Variants in PMFBP1 observed in about 807,000 individuals in gnomAD.
PMFBP1 encodes the protein polyamine modulated factor 1 binding protein 1.
Under a neutral mutation model 137.8 loss-of-function variants are expected in PMFBP1, and 131 were observed. The observed-to-expected ratio is 0.95, with a 90% confidence interval of 0.82 to 1.10. PMFBP1 has a LOEUF of 1.10. PMFBP1 is among the 50% of genes least tolerant of loss of function. PMFBP1 has a pLI of 0.00. For synonymous variants in PMFBP1, 490 were observed against 450.4 expected, an observed-to-expected ratio of 1.09 and a Z score of -1.11; for missense variants, 1,199 against 1,175.4, an observed-to-expected ratio of 1.02 and a Z score of -0.29.
rs1325980864 is a variant in PMFBP1 at position 72,146,739 on chromosome 16, CAGAG to C, written c.636+3865_636+3868del. Among the ~76,000 whole-genome samples, 27 of 152,252 alleles carry C rather than the reference CAGAG, an allele frequency of 1.8e-4. No individual in the cohort carries two copies. The East Asian group carries it at 4.8e-3, about 27-fold the overall frequency. ...TTCCTATACATCATTAACAGACAAACAGAGAGCCAAATCATGAGTGAACTCCCAT... is the reference window on the plus strand; with the variant it reads ...TTCCTATACATCATTAACAGACAAACAGCCAAATCATGAGTGAACTCCCAT... On this transcript the variant is annotated intron_variant, in intron 5 of 20. Coordinates refer to ENST00000237353, the MANE Select transcript of PMFBP1 (RefSeq NM_031293.3).
At chr16:72,177,684 T>C (rs2043263466), upstream of PMFBP1, among the ~76,000 whole-genome samples, 1 of 152,222 alleles carries the variant, frequency 6.6e-6, no homozygotes, top group South Asian at 2.1e-4. Context: ...CTGCATACTT[T>C]GTTAGGATGT....
At chr16:72,206,140 G>A in the PMFBP1 span, among the ~76,000 whole-genome samples, 1 of 152,184 alleles carries the variant, frequency 6.6e-6, no homozygotes, top group African/African-American at 2.4e-5. Flanking sequence ...AGAAGCAGAG[G>A]CATGAGTTAA....
At chr16:72,208,097 A>G in the PMFBP1 span, among the ~76,000 whole-genome samples, 1 of 152,198 alleles carries the variant, frequency 6.6e-6, no homozygotes, top group Admixed American at 6.5e-5. Context: ...AGGGAGGACA[A>G]TCTGCTTTAC....
rs1418354940 is a variant in PMFBP1 at position 72,126,067 on chromosome 16, C to T, written c.2154G>A (p.Glu718=). 5.0e-6 allele frequency: 8 copies of T among 1,614,104 alleles called. No individual in the cohort carries two copies. In the East Asian group the frequency reaches 1.3e-4, roughly 27 times the overall value. ...QAQLDKALQK[E]KHYLQTTITK... is the part of the protein sequence containing the mutation. ...TGATGGTAGTCTGGAGATAGTGCTT[C>T]TCCTTCTGCAGAGCTTTGTCCAGCT... Residue 718 remains glutamate (E), a synonymous_variant, in exon 15 of 21, where the codon GAG becomes GAA. Transcript: ENST00000237353.
chr16:72,136,773 A>T lies in PMFBP1; in HGVS notation c.965T>A (p.Val322Glu). ...QEQKDSQCLH[V>E]EEYQNLVKDL... Reference sequence around the variant, plus strand: ...CTTCACCAGGTTCTGGTACTCCTCCACATGCAGGCACTGGCTGTCTTTCTG... The same window carrying T: ...CTTCACCAGGTTCTGGTACTCCTCCTCATGCAGGCACTGGCTGTCTTTCTG... The change falls in exon 8 of 21, where the codon GTG (valine) becomes GAG (glutamate). Residue 322 changes from valine (V) to glutamate (E), a missense_variant. Coordinates refer to ENST00000237353, the MANE Select transcript of PMFBP1 (RefSeq NM_031293.3). The T allele has an allele frequency of 8.7e-6, 14 of 1,613,932 alleles. No individual in the cohort carries two copies. Among genetic ancestry groups the T allele is most frequent in the Non-Finnish European group, 1.2e-5 (14 of 1,179,994 alleles).
the PMFBP1 span, among the ~76,000 whole-genome samples, chr16:72,249,939 A>AG: frequency 6.6e-6 from 1 of 150,942 alleles, no homozygotes; most frequent in Non-Finnish European, 1.5e-5. Context: ...AAAAAAAAAA[A>AG]AAAAAGAAAG....
chr16:72,192,373 A>C, the PMFBP1 span, among the ~76,000 whole-genome samples: 1 of 152,184 alleles, frequency 6.6e-6, no homozygotes, highest in Non-Finnish European at 1.5e-5. Flanking sequence ...TGTACTGAAA[A>C]ATTTTTAATT....
chr16:72,203,542 T>C, the PMFBP1 span, among the ~76,000 whole-genome samples: 1 of 152,146 alleles, frequency 6.6e-6, no homozygotes. Context: ...GGGAAGTGAG[T>C]CAGAGCTCAT....
chr16:72,244,867 C>G, the PMFBP1 span, among the ~76,000 whole-genome samples: 1 of 152,182 alleles, frequency 6.6e-6, no homozygotes, highest in South Asian at 2.1e-4. Context: ...AAAAACAAAA[C>G]AAAAACCAGA....
chr16:72,191,364 C>G, the PMFBP1 span, among the ~76,000 whole-genome samples: 3 of 152,336 alleles, frequency 2.0e-5, no homozygotes, highest in Admixed American at 2.0e-4. Flanking sequence ...CCAGAAAGGT[C>G]AGGCACATGC....
chr16:72,248,535 C>T, the PMFBP1 span, among the ~76,000 whole-genome samples: 39 of 152,316 alleles, frequency 2.6e-4, no homozygotes, highest in African/African-American at 9.1e-4. Context: ...CATAGGACAA[C>T]TGGCCAGAGC....
chr16:72,227,763 C>T, the PMFBP1 span, among the ~76,000 whole-genome samples: 1 of 152,158 alleles, frequency 6.6e-6, no homozygotes, highest in Non-Finnish European at 1.5e-5. Context: ...AAGCCTCAGT[C>T]CTCACATCTG....
the PMFBP1 span, among the ~76,000 whole-genome samples, chr16:72,198,588 C>G: frequency 6.6e-6 from 1 of 152,162 alleles, no homozygotes; most frequent in African/African-American, 2.4e-5. Context: ...AGGAACATAG[C>G]TTTCATAGTA....
chr16:72,171,870 CAT>C (rs1394255571), intron 1 of PMFBP1, 182 bp downstream of exon 1: 1 of 152,204 alleles, frequency 6.6e-6, no homozygotes, highest in Admixed American at 6.5e-5. Flanking sequence ...AGTTAGGAAA[CAT>C]GTGAAGTGCT....
chr16:72,119,427 C>A, intron 20 of PMFBP1, 73 bp from the exon 21 acceptor site: 1 of 1,612,854 alleles, frequency 6.2e-7, no homozygotes, highest in South Asian at 1.1e-5. Flanking sequence ...AAGGGCTGGC[C>A]GCATGGCCAG....
At chr16:72,135,997 T>TCC (rs916687414) in intron 9 of PMFBP1, among the ~76,000 whole-genome samples, 3 of 151,738 alleles carry the variant, frequency 2.0e-5, no homozygotes, top group Admixed American at 1.3e-4. Flanking sequence ...TCAAGAGATC[T>TCC]CCCCACCTTG....
At chr16:72,163,884 G>A (rs1004075281) in intron 3 of PMFBP1, among the ~76,000 whole-genome samples, 2 of 150,312 alleles carry the variant, frequency 1.3e-5, no homozygotes, top group East Asian at 3.9e-4. Context: ...GGATGCAAAG[G>A]CATAAGAGTG....
At chr16:72,134,791 C>A (rs1202459275) in intron 9 of PMFBP1, among the ~76,000 whole-genome samples, 1 of 152,182 alleles carries the variant, frequency 6.6e-6, no homozygotes, top group East Asian at 1.9e-4. Flanking sequence ...CCAAATGTCA[C>A]CCTATCAGAG....
At chr16:72,238,467 T>C in the PMFBP1 span, among the ~76,000 whole-genome samples, 1 of 152,248 alleles carries the variant, frequency 6.6e-6, no homozygotes. Flanking sequence ...TTTTGAAAAG[T>C]GCCTGTTCAC....
Sources: allele counts gnomAD v4.1 joint callset (sites outside exome capture counted in the v4.1 genomes callset), GRCh38; gene constraint gnomAD v4.1.1; transcripts MANE v1.5; gene names NCBI Gene and HGNC (gene_info 2026-07-23, HGNC 2026-07-21).